KCNH8: variants seen among roughly 807,000 people sequenced by gnomAD.
KCNH8 encodes voltage-gated delayed rectifier potassium channel KCNH8.
In KCNH8, 70 loss-of-function variants were observed where a neutral mutation model predicts 103.6. That is an observed-to-expected ratio of 0.68 (90% CI 0.56 to 0.82). The LOEUF is 0.82. KCNH8 is among the 40% of genes least tolerant of loss of function. The pLI, the probability that KCNH8 is intolerant of heterozygous loss-of-function variation, is 0.00. For synonymous variants in KCNH8, 498 were observed against 489.4 expected (o/e 1.02, Z -0.23); for missense variants, 1,217 against 1,329.9 (o/e 0.92, Z 1.32).
intron 1 of KCNH8, among the ~76,000 whole-genome samples, chr3:19,215,865 G>T (rs2063813455): frequency 6.6e-6 from 1 of 152,242 alleles, no homozygotes; most frequent in Non-Finnish European, 1.5e-5. Flanking sequence ...GCTGGATGAA[G>T]TACATCTGTA....
intron 5 of KCNH8, among the ~76,000 whole-genome samples, chr3:19,351,380 GA>G (rs2065799759): frequency 6.6e-6 from 1 of 152,086 alleles, no homozygotes; most frequent in South Asian, 2.1e-4. Flanking sequence ...AGGAAATACA[GA>G]GAATGCCACA....
At chr3:19,323,178 G>A (rs1411148813) in intron 3 of KCNH8, among the ~76,000 whole-genome samples, 1 of 152,102 alleles carries the variant, frequency 6.6e-6, no homozygotes, top group Non-Finnish European at 1.5e-5. Context: ...GGCCGCACAC[G>A]GTGGCTCACG....
At chr3:19,188,606 C>G (rs1057040903) in intron 1 of KCNH8, among the ~76,000 whole-genome samples, 2 of 151,938 alleles carry the variant, frequency 1.3e-5, no homozygotes, top group Admixed American at 6.6e-5. Context: ...TTCTATAAAG[C>G]ATCACATTTG....
chr3:19,493,745 CTTATTA>C (rs145725874), intron 11 of KCNH8, among the ~76,000 whole-genome samples: 4,617 of 151,714 alleles, frequency 0.03, 224 homozygotes, highest in African/African-American at 0.1. Flanking sequence ...ATTGATGAGT[CTTATTA>C]TTATTATTAT....
At chr3:19,361,360 T>C (rs1297166923) in intron 5 of KCNH8, among the ~76,000 whole-genome samples, 1 of 152,122 alleles carries the variant, frequency 6.6e-6, no homozygotes, top group Non-Finnish European at 1.5e-5. Flanking sequence ...TCACATTGGG[T>C]AGATTATCCT....
chr3:19,180,206 G>A (rs974561307), intron 1 of KCNH8, among the ~76,000 whole-genome samples: 1 of 149,064 alleles, frequency 6.7e-6, no homozygotes, highest in African/African-American at 2.5e-5. Flanking sequence ...TGAGAGTTTT[G>A]TGAAGGCGAT....
chr3:19,379,195 T>C (rs9846656), intron 5 of KCNH8, among the ~76,000 whole-genome samples: 28,940 of 152,170 alleles, frequency 0.19, 2,796 homozygotes, highest in Middle Eastern at 0.27. Context: ...AAAGCCTCAT[T>C]ACAGTTTAAA....
At chr3:19,163,090 G>C (rs1165332343) in intron 1 of KCNH8, among the ~76,000 whole-genome samples, 1 of 151,260 alleles carries the variant, frequency 6.6e-6, no homozygotes, top group Non-Finnish European at 1.5e-5. Flanking sequence ...AAAATTACAG[G>C]CAATTTTATG....
At chr3:19,338,267 A>G (rs1321449710) in intron 3 of KCNH8, among the ~76,000 whole-genome samples, 5 of 151,964 alleles carry the variant, frequency 3.3e-5, no homozygotes, top group African/African-American at 4.8e-5. Context: ...CAGTTCTTCA[A>G]AGATGCTGAA....
At chr3:19,394,181 A>G (rs2066479933) in intron 6 of KCNH8, among the ~76,000 whole-genome samples, 1 of 152,080 alleles carries the variant, frequency 6.6e-6, no homozygotes, top group African/African-American at 2.4e-5. Context: ...AGGTGACATC[A>G]AGAAGTTTGT....
chr3:19,425,485 T>C (rs2067015588), intron 7 of KCNH8, among the ~76,000 whole-genome samples: 1 of 152,214 alleles, frequency 6.6e-6, no homozygotes, highest in Non-Finnish European at 1.5e-5. Flanking sequence ...CTAAATATTT[T>C]TTAATTGAGA....
chr3:19,239,024 C>A (rs951168598), intron 1 of KCNH8, among the ~76,000 whole-genome samples: 8 of 152,220 alleles, frequency 5.3e-5, no homozygotes, highest in African/African-American at 1.7e-4. Context: ...ATTCTTACAT[C>A]ACGATTCAAA....
chr3:19,347,688 T>C (rs756445362), intron 4 of KCNH8, 37 bp from the exon 5 acceptor site: 24 of 1,607,534 alleles, frequency 1.5e-5, no homozygotes, highest in Non-Finnish European at 2.0e-5. Flanking sequence ...TCTAATGTTG[T>C]GTTTCTCCTT....
intron 15 of KCNH8, among the ~76,000 whole-genome samples, chr3:19,528,987 GT>G (rs1369494023): frequency 6.6e-6 from 1 of 152,074 alleles, no homozygotes; most frequent in Non-Finnish European, 1.5e-5. Context: ...ATTAAAAGAA[GT>G]TTGAAGGAGA....
chr3:19,270,128 C>G (rs922183194), intron 2 of KCNH8, among the ~76,000 whole-genome samples: 3 of 152,120 alleles, frequency 2.0e-5, no homozygotes, highest in Non-Finnish European at 1.5e-5. Context: ...GGCAGGATGC[C>G]TGTTTTTCTA....
intron 12 of KCNH8, among the ~76,000 whole-genome samples, chr3:19,511,136 C>T (rs916884545): frequency 7.2e-5 from 11 of 151,892 alleles, no homozygotes; most frequent in African/African-American, 2.4e-4. Flanking sequence ...TAATGTTATC[C>T]CTCCCCTAGC....
At chr3:19,398,685 AT>A (rs1489090534) in intron 7 of KCNH8, among the ~76,000 whole-genome samples, 1 of 151,974 alleles carries the variant, frequency 6.6e-6, no homozygotes, top group East Asian at 1.9e-4. Flanking sequence ...ACTGACAATA[AT>A]AATAGTGCCA....
Position 19,390,541 on chromosome 3 carries a change from C to G in KCNH8, c.872C>G (p.Ala291Gly). 1.2e-6 allele frequency: 2 copies of G among 1,613,048 alleles called. No individual in the cohort carries two copies. The highest frequency in any genetic ancestry group is 1.7e-6 in the Non-Finnish European group (2 of 1,179,270). Reference protein sequence around the residue: ...VSKSGQVIFEARSICIHYVTT... With the variant: ...VSKSGQVIFEGRSICIHYVTT... ...AAGTCTGGCCAAGTTATCTTTGAAG[C>G]AAGATCAATTTGCATCCACTATGTC... The change falls in exon 6 of 16, where the codon GCA (alanine) becomes GGA (glycine). Residue 291 changes from alanine (A) to glycine (G), a missense_variant. By Grantham distance (60) the Ala-to-Gly change is moderately conservative. Around this residue, in one of 3 missense-constraint regions of KCNH8, gnomAD observed 415 missense variants for 577.4 expected, o/e 0.72. Coordinates refer to ENST00000328405, the MANE Select transcript of KCNH8 (RefSeq NM_144633.3).
intron 5 of KCNH8, among the ~76,000 whole-genome samples, chr3:19,363,259 A>G (rs1380808437): frequency 6.6e-6 from 1 of 152,168 alleles, no homozygotes; most frequent in Non-Finnish European, 1.5e-5. Flanking sequence ...GCATTGAATG[A>G]TGTCAAACAA....
Sources: gnomAD v4.1 joint callset for allele counts (sites outside exome capture counted in the v4.1 genomes callset) on GRCh38, gnomAD v4.1.1 for gene constraint, gnomAD v4.1.1 regional missense constraint, MANE v1.5 for transcripts, NCBI Gene and HGNC (gene_info 2026-07-23, HGNC 2026-07-21) for gene names.